RIPOR2: variants seen among roughly 807,000 people sequenced by gnomAD.
RIPOR2 encodes RHO family interacting cell polarization regulator 2.
In RIPOR2, 39 loss-of-function variants were observed where a neutral mutation model predicts 114.5. The observed-to-expected ratio is 0.34, with a 90% CI of 0.26 to 0.44. The LOEUF is 0.44. RIPOR2 is among the 20% of genes least tolerant of loss of function. The pLI is 1.00. For missense variants in RIPOR2, 1,007 were observed against 1,255.1 expected (o/e 0.80, Z 2.99); for synonymous variants, 445 against 484.4 (o/e 0.92, Z 1.07).
intron 1 of RIPOR2, among the ~76,000 whole-genome samples, chr6:25,041,481 AT>A (rs577142689): frequency 2.6e-5 from 4 of 152,166 alleles, no homozygotes; most frequent in South Asian, 2.1e-4. Context: ...CAGATGTTCC[AT>A]TTTTTTCCCC....
rs570519952 is a variant in RIPOR2 at position 24,986,361 on chromosome 6, G to A, written c.76+55490C>T. On this transcript the variant is annotated intron_variant, in intron 1 of 13. Transcript: ENST00000510784. ...TTGATACTTTTTGGAGGACTCATAA[G>A]TAAAGAAACTTGTTGAACTTTGAAT... Among the ~76,000 whole-genome samples, 4 of 152,300 alleles carry A rather than the reference G, an allele frequency of 2.6e-5. No individual in the cohort carries two copies. In the South Asian group the frequency reaches 6.2e-4, roughly 24 times the overall value.
In RIPOR2 at chr6:25,037,347, G is replaced by A. The variant is rs1038062308; in HGVS notation, c.76+4504C>T. Reference sequence around the variant, plus strand: ...CAGACTAAAGGAAAGAAAGGCTCTCGGGGCATTCAGTTATCTGTGCCCACC... The same window carrying A: ...CAGACTAAAGGAAAGAAAGGCTCTCAGGGCATTCAGTTATCTGTGCCCACC... On this transcript the variant is annotated intron_variant, in intron 1 of 13. Coordinates refer to the RIPOR2 transcript ENST00000510784. The surrounding 1 kb of genome is among the most constrained non-coding windows in gnomAD (Gnocchi z 4.5). Among the ~76,000 whole-genome samples, 31 of 152,092 alleles carry A rather than the reference G, an allele frequency of 2.0e-4. No homozygotes were observed. Among genetic ancestry groups the A allele is most frequent in the Non-Finnish European group, 4.0e-4 (27 of 68,022 alleles).
At position 24,872,903 on chromosome 6, in the gene RIPOR2, TC is replaced by T; in HGVS notation, c.400del (p.Asp134IlefsTer2). ...ELDKLTAQLK[D>X]MKRNSRLGVL... is the part of the protein sequence containing the mutation. ...TACCAGGCGAGAGTTTCTTTTCATA[TC>T]TTTTAACTGAGCTGTCAACTTGTCC... On this transcript the variant is annotated frameshift_variant, in exon 4 of 22. Coordinates refer to ENST00000643898, the MANE Select transcript of RIPOR2 (RefSeq NM_001286445.3). LOFTEE classifies it high-confidence loss of function. 1 of 1,611,600 alleles carries T rather than the reference TC, an allele frequency of 6.2e-7. No individual in the cohort carries two copies.
At chr6:24,820,492 A>G (rs1162366698) in intron 19 of RIPOR2, among the ~76,000 whole-genome samples, 1 of 152,240 alleles carries the variant, frequency 6.6e-6, no homozygotes, top group African/African-American at 2.4e-5. Context: ...TACCCCAAAA[A>G]GAAATCCTGT....
At chr6:24,943,856 T>C (rs182675278) in intron 1 of RIPOR2, among the ~76,000 whole-genome samples, 40 of 152,288 alleles carry the variant, frequency 2.6e-4, no homozygotes, top group Non-Finnish European at 4.4e-4. Flanking sequence ...TGTCTGGTGG[T>C]TCTCTGGAAG....
intron 1 of RIPOR2, among the ~76,000 whole-genome samples, chr6:24,986,142 G>A (rs1774521546): frequency 6.6e-6 from 1 of 152,094 alleles, no homozygotes; most frequent in Non-Finnish European, 1.5e-5. Flanking sequence ...TACATACTGG[G>A]CCCTGTTTTA....
chr6:24,974,063 G>A (rs762284669), intron 1 of RIPOR2, among the ~76,000 whole-genome samples: 14 of 152,146 alleles, frequency 9.2e-5, no homozygotes, highest in Admixed American at 2.6e-4. Flanking sequence ...ATATACTCAT[G>A]TAACAATCCT....
chr6:24,854,376 C>G (rs1364098382), intron 8 of RIPOR2, among the ~76,000 whole-genome samples: 1 of 152,168 alleles, frequency 6.6e-6, no homozygotes, highest in Non-Finnish European at 1.5e-5. Flanking sequence ...TACTTCCAGG[C>G]TGAGTGAATG....
chr6:24,949,534 T>C (rs1772637619), intron 1 of RIPOR2, among the ~76,000 whole-genome samples: 2 of 152,196 alleles, frequency 1.3e-5, no homozygotes. Flanking sequence ...AATAGGTAGG[T>C]TGGGCCAGCT....
chr6:24,824,222 G>C (rs910032553), intron 19 of RIPOR2, among the ~76,000 whole-genome samples: 1 of 152,216 alleles, frequency 6.6e-6, no homozygotes, highest in African/African-American at 2.4e-5. Context: ...GGTAGGAGGT[G>C]AGAGTGGTCA....
chr6:24,999,612 G>A (rs1276466913), intron 1 of RIPOR2, among the ~76,000 whole-genome samples: 1 of 148,940 alleles, frequency 6.7e-6, no homozygotes, highest in Non-Finnish European at 1.5e-5. Context: ...TTGGAGCACA[G>A]TGGCATGATC....
At chr6:25,005,061 C>T (rs2113659766) in intron 1 of RIPOR2, among the ~76,000 whole-genome samples, 1 of 151,834 alleles carries the variant, frequency 6.6e-6, no homozygotes, top group South Asian at 2.1e-4. Flanking sequence ...CTATTACCCC[C>T]AACATCATGG....
intron 1 of RIPOR2, among the ~76,000 whole-genome samples, chr6:24,983,815 G>T (rs1417554004): frequency 6.8e-6 from 1 of 146,410 alleles, no homozygotes; most frequent in African/African-American, 2.5e-5. Context: ...TGAGCACCTG[G>T]CTGCCTGGAA....
intron 1 of RIPOR2, among the ~76,000 whole-genome samples, chr6:24,927,608 A>G (rs1001704460): frequency 2.6e-5 from 4 of 151,466 alleles, no homozygotes; most frequent in African/African-American, 9.7e-5. Flanking sequence ...CGCTACCACC[A>G]CTATCATCAC....
chr6:24,945,205 C>T (rs973907720), intron 1 of RIPOR2, among the ~76,000 whole-genome samples: 1 of 151,612 alleles, frequency 6.6e-6, no homozygotes, highest in African/African-American at 2.4e-5. Context: ...TATATAAAGT[C>T]CTGAAAGTAA....
At chr6:24,968,984 A>C (rs986187969) in intron 1 of RIPOR2, among the ~76,000 whole-genome samples, 2 of 151,816 alleles carry the variant, frequency 1.3e-5, no homozygotes, top group Non-Finnish European at 2.9e-5. Flanking sequence ...TAATCACCTC[A>C]TTTGCTTTTC....
Position 24,819,662 on chromosome 6 carries a change from A to ATT in RIPOR2, c.2869-1039_2869-1038dup, listed in dbSNP as rs35638159. 5.8e-5 allele frequency among the ~76,000 whole-genome samples: 6 copies of ATT among 103,304 alleles called. 1 individual carries two copies. Among genetic ancestry groups the ATT allele is most frequent in the African/African-American group, 6.5e-5 (2 of 30,762 alleles). 67.8% of individuals were successfully genotyped at this position (103,304 alleles called of 152,430 possible). A position where few individuals can be genotyped will look rare whatever the true frequency, so the allele number is the denominator to read the frequency against. ...AGGTGCCCACCACCACGCCCAGCTA[A>ATT]TTTTTTTTTTTTTTTTTTTTAGTGG... On this transcript the variant is annotated intron_variant, in intron 19 of 21. Coordinates refer to ENST00000643898, the MANE Select transcript of RIPOR2 (RefSeq NM_001286445.3).
intron 1 of RIPOR2, among the ~76,000 whole-genome samples, chr6:24,975,314 T>A (rs979633466): frequency 1.7e-4 from 26 of 152,254 alleles, no homozygotes; most frequent in African/African-American, 6.3e-4. Context: ...AATAAGGAAC[T>A]CTTCCAAATC....
At chr6:24,852,473 TAAAA>T in intron 9 of RIPOR2, 98 bp downstream of exon 9, 1 of 752,378 alleles carries the variant, frequency 1.3e-6, no homozygotes, top group Non-Finnish European at 2.1e-6. Context: ...AATTAAAAAT[TAAAA>T]AAAAAAAAGA....
Sources: gnomAD v4.1 joint callset for allele counts (sites outside exome capture counted in the v4.1 genomes callset) on GRCh38, gnomAD v4.1.1 for gene constraint, Gnocchi (gnomAD v3.1) non-coding constraint, MANE v1.5 for transcripts, NCBI Gene and HGNC (gene_info 2026-07-23, HGNC 2026-07-21) for gene names.